The following ARHGEF4 variants were observed in gnomAD, a reference collection of about 807,000 sequenced individuals.
The protein encoded by ARHGEF4 is Rho guanine nucleotide exchange factor 4.
ARHGEF4 carries 119 observed loss-of-function variants against 162.0 expected under a neutral mutation model. The ratio of observed to expected loss-of-function variants is 0.73; its 90% CI spans 0.63 to 0.86. ARHGEF4 has a LOEUF of 0.86. Ranked by LOEUF, ARHGEF4 falls within the 40% of genes least tolerant of loss-of-function variation. The pLI, the probability that ARHGEF4 is intolerant of heterozygous loss-of-function variation, is 0.00. For missense variants in ARHGEF4, 2,488 were observed against 2,456.0 expected, an observed-to-expected ratio of 1.01 and a Z score of -0.28; for synonymous variants, 1,014 against 979.9, an observed-to-expected ratio of 1.03 and a Z score of -0.65.
intron 4 of ARHGEF4, among the ~76,000 whole-genome samples, chr2:130,998,298 A>G (rs1687535570): frequency 6.6e-6 from 1 of 152,164 alleles, no homozygotes; most frequent in Non-Finnish European, 1.5e-5. Context: ...TGTTCCTATA[A>G]ACCCCTCACC....
chr2:130,992,303 C>G (rs956141929), intron 4 of ARHGEF4, among the ~76,000 whole-genome samples: 48 of 152,178 alleles, frequency 3.2e-4, no homozygotes, highest in Admixed American at 3.3e-4. Flanking sequence ...CCCTTCCACA[C>G]TGTGGAAGCT....
intron 4 of ARHGEF4, among the ~76,000 whole-genome samples, chr2:130,953,715 A>T (rs2105168664): frequency 6.6e-6 from 1 of 152,352 alleles, no homozygotes; most frequent in African/African-American, 2.4e-5. Flanking sequence ...TACAAGAAAA[A>T]AACAACCCTG....
Position 130,855,031 on chromosome 2 carries a change from G to A in ARHGEF4, c.39+18039G>A, listed in dbSNP as rs1419726667. Reference sequence around the variant, plus strand: ...TGGGACAACAGGCGCCCGCGACCACGCCCGGCAAATTTTTTTTTTTGTATT... The same window carrying A: ...TGGGACAACAGGCGCCCGCGACCACACCCGGCAAATTTTTTTTTTTGTATT... On this transcript the variant is annotated intron_variant, in intron 1 of 13. Coordinates refer to ENST00000409359, the MANE Select transcript of ARHGEF4 (RefSeq NM_001367493.1). 3.4e-5 allele frequency among the ~76,000 whole-genome samples: 5 copies of A among 148,786 alleles called. No homozygotes were observed. In the South Asian group the frequency reaches 6.7e-4, roughly 20 times the overall value.
At chr2:130,952,397 T>C (rs1409153170) in intron 4 of ARHGEF4, among the ~76,000 whole-genome samples, 1 of 152,186 alleles carries the variant, frequency 6.6e-6, no homozygotes, top group Non-Finnish European at 1.5e-5. Flanking sequence ...AAACTAGGTA[T>C]TGATGGAACG....
chr2:130,990,979 A>T (rs1164801065), intron 4 of ARHGEF4, among the ~76,000 whole-genome samples: 2 of 152,204 alleles, frequency 1.3e-5, no homozygotes, highest in African/African-American at 4.8e-5. Flanking sequence ...AATAATCTAA[A>T]ATTTGGTTCC....
intron 4 of ARHGEF4, among the ~76,000 whole-genome samples, chr2:131,017,423 T>A (rs1688841200): frequency 6.6e-6 from 1 of 152,182 alleles, no homozygotes; most frequent in South Asian, 2.1e-4. Flanking sequence ...TCCCACACCC[T>A]GTGCTGGGAG....
At chr2:130,913,919 A>G (rs1681341841) in intron 1 of ARHGEF4, 67 bp from the exon 2 acceptor site, 1 of 1,514,910 alleles carries the variant, frequency 6.6e-7, no homozygotes, top group South Asian at 1.2e-5. Context: ...AAAGGCAGGC[A>G]CGGTGTAAAC....
intron 1 of ARHGEF4, among the ~76,000 whole-genome samples, chr2:130,906,329 C>T (rs552939983): frequency 1.3e-4 from 20 of 152,250 alleles, no homozygotes; most frequent in East Asian, 9.6e-4. Flanking sequence ...GATAAACATA[C>T]GTTGTATATA....
At chr2:130,849,277 A>C (rs190627) in intron 1 of ARHGEF4, among the ~76,000 whole-genome samples, 5 of 152,158 alleles carry the variant, frequency 3.3e-5, no homozygotes. Context: ...TTGGGTGCAT[A>C]TTGTCATGCC....
At chr2:130,950,490 T>C (rs1683885923) in intron 4 of ARHGEF4, among the ~76,000 whole-genome samples, 1 of 152,202 alleles carries the variant, frequency 6.6e-6, no homozygotes, top group African/African-American at 2.4e-5. Context: ...CAAACCACTT[T>C]GTTGTATCTT....
In ARHGEF4 at chr2:130,915,284, A is replaced by G; in HGVS notation, c.1338A>G (p.Leu446=). 1 of 1,550,646 alleles carries G rather than the reference A, an allele frequency of 6.4e-7. No individual in the cohort carries two copies. The highest frequency in any genetic ancestry group is 8.7e-7 in the Non-Finnish European group (1 of 1,147,018). ...TGGCTTCATGCCTCACCTCAGAGTT[A>G]GTGAAGCTCAGTGCAGAGGAAGTGC... ...CLVASCLTSE[L]VKLSAEEVPE... Residue 446 remains leucine, a synonymous_variant, in exon 2 of 14, where the codon TTA becomes TTG. Coordinates refer to ENST00000409359, the MANE Select transcript of ARHGEF4 (RefSeq NM_001367493.1).
chr2:130,876,694 G>T (rs1310689611), intron 1 of ARHGEF4, among the ~76,000 whole-genome samples: 1 of 152,124 alleles, frequency 6.6e-6, no homozygotes, highest in Non-Finnish European at 1.5e-5. Flanking sequence ...GCCCAGCCAT[G>T]ATCATCTTTT....
At chr2:131,015,090 G>A (rs960201135) in intron 4 of ARHGEF4, among the ~76,000 whole-genome samples, 3 of 152,184 alleles carry the variant, frequency 2.0e-5, no homozygotes, top group African/African-American at 7.2e-5. Context: ...ACAGCAGAAG[G>A]AGGGTTGTAT....
rs60555667 is a variant in ARHGEF4, at chr2:130,913,065, G to C, written c.40-921G>C. On this transcript the variant is annotated intron_variant, in intron 1 of 13. Transcript: ENST00000409359. ...ACAATATATATAGGGTTCGGTACTG[G>C]GGGGGAGTGGTTCAGGCATCGGCTG... 9.5e-3 allele frequency among the ~76,000 whole-genome samples: 1,453 copies of C among 152,228 alleles called. 14 individuals are homozygous for C. The highest frequency in any genetic ancestry group is 0.012 in the Admixed American group (177 of 15,288).
At chr2:130,981,335 G>A (rs1157378073) in intron 4 of ARHGEF4, among the ~76,000 whole-genome samples, 1 of 152,066 alleles carries the variant, frequency 6.6e-6, no homozygotes, top group East Asian at 1.9e-4. Flanking sequence ...TTATATCTAC[G>A]CATACACAAG....
intron 4 of ARHGEF4, among the ~76,000 whole-genome samples, chr2:131,012,133 T>C (rs2105334278): frequency 6.6e-6 from 1 of 152,146 alleles, no homozygotes; most frequent in South Asian, 2.1e-4. Flanking sequence ...GGGTGGGTGG[T>C]CAGGAGTTCT....
At chr2:130,877,603 T>C (rs1213378343) in intron 1 of ARHGEF4, among the ~76,000 whole-genome samples, 1 of 152,154 alleles carries the variant, frequency 6.6e-6, no homozygotes, top group Admixed American at 6.5e-5. Context: ...TGAGCTATGA[T>C]GGCACCACTG....
At chr2:131,045,525 GC>G (rs966629485) in intron 13 of ARHGEF4, 79 bp downstream of exon 13, 2 of 1,612,776 alleles carry the variant, frequency 1.2e-6, no homozygotes, top group African/African-American at 2.7e-5. Flanking sequence ...GAACCACAAA[GC>G]CAAGCCAGCT....
chr2:130,921,081 G>T (rs1681843619), intron 2 of ARHGEF4, among the ~76,000 whole-genome samples: 1 of 151,698 alleles, frequency 6.6e-6, no homozygotes, highest in African/African-American at 2.4e-5. Context: ...TTTCATTATC[G>T]TGTTACTACT....
Sources: allele counts gnomAD v4.1 joint callset (sites outside exome capture counted in the v4.1 genomes callset), GRCh38; gene constraint gnomAD v4.1.1; transcripts MANE v1.5; gene names NCBI Gene and HGNC (gene_info 2026-07-23, HGNC 2026-07-21).